The following CRIM1 variants were observed in gnomAD, a reference collection of about 807,000 sequenced individuals.
The protein encoded by CRIM1 is cysteine rich transmembrane BMP regulator 1.
A neutral mutation model predicts 116.4 loss-of-function variants in CRIM1; 32 were observed. The observed-to-expected ratio is 0.27, with a 90% confidence interval of 0.21 to 0.37. The LOEUF is 0.37. Ranked by LOEUF, CRIM1 falls within the 10% of genes least tolerant of loss-of-function variation. CRIM1 has a pLI of 1.00. For missense variants in CRIM1, 1,331 were observed against 1,354.8 expected, an observed-to-expected ratio of 0.98 and a Z score of 0.28; for synonymous variants, 590 against 509.2, an observed-to-expected ratio of 1.16 and a Z score of -2.13.
intron 1 of CRIM1, among the ~76,000 whole-genome samples, chr2:36,383,428 G>T (rs1163067259): frequency 6.6e-6 from 1 of 152,198 alleles, no homozygotes; most frequent in African/African-American, 2.4e-5. Flanking sequence ...GAATGCATAA[G>T]TAGTGAATAA....
At chr2:36,358,546 T>C (rs994959489) in intron 1 of CRIM1, among the ~76,000 whole-genome samples, 1 of 152,234 alleles carries the variant, frequency 6.6e-6, no homozygotes, top group Non-Finnish European at 1.5e-5. Flanking sequence ...TGTCACAGTA[T>C]AGAGTTATTT....
At chr2:36,362,978 G>A (rs954132933) in intron 1 of CRIM1, among the ~76,000 whole-genome samples, 3 of 151,876 alleles carry the variant, frequency 2.0e-5, no homozygotes, top group Non-Finnish European at 4.4e-5. Flanking sequence ...CAGATGGATC[G>A]CCTGAGGTCA....
chr2:36,415,263 A>G (rs1014814554), intron 2 of CRIM1, among the ~76,000 whole-genome samples: 1 of 152,180 alleles, frequency 6.6e-6, no homozygotes, highest in African/African-American at 2.4e-5. Flanking sequence ...TACCTGCTTG[A>G]GAAACTGAGA....
Position 36,513,632 on chromosome 2 carries a change from G to T in CRIM1, c.1857G>T (p.Glu619Asp). ...LTVDGHHHKN[E>D]ESWHDGCREC... ...TGGATGGTCATCATCATAAAAATGA[G>T]GAGAGCTGGCACGATGGGTGCCGGG... The change falls in exon 11 of 17, where the codon GAG becomes GAT. Residue 619 changes from glutamate to aspartate, a missense_variant. Physicochemically the swap from Glu to Asp is conservative, Grantham distance 45 (BLOSUM62 2). Transcript: ENST00000280527. 1.9e-6 allele frequency: 3 copies of T among 1,614,210 alleles called. No homozygotes were observed. The highest frequency in any genetic ancestry group is 2.5e-6 in the Non-Finnish European group (3 of 1,180,026).
chr2:36,513,395 A>T, intron 10 of CRIM1, 161 bp from the exon 11 acceptor site: 1 of 611,896 alleles, frequency 1.6e-6, no homozygotes, highest in South Asian at 2.1e-5. Context: ...GATTGAGAAC[A>T]TACTGACTTA....
intron 5 of CRIM1, among the ~76,000 whole-genome samples, chr2:36,475,020 A>G (rs749485090): frequency 6.6e-6 from 1 of 152,162 alleles, no homozygotes; most frequent in Non-Finnish European, 1.5e-5. Flanking sequence ...ATGTTTTGAA[A>G]TTAGGAAGTA....
intron 14 of CRIM1, among the ~76,000 whole-genome samples, chr2:36,539,599 A>G (rs768903560): frequency 6.6e-6 from 1 of 152,156 alleles, no homozygotes; most frequent in Non-Finnish European, 1.5e-5. Flanking sequence ...AGAGAGACCA[A>G]CTTGGAGACT....
chr2:36,359,213 G>A (rs1296276006), intron 1 of CRIM1, among the ~76,000 whole-genome samples: 1 of 152,104 alleles, frequency 6.6e-6, no homozygotes, highest in African/African-American at 2.4e-5. Context: ...GCACTAAAAT[G>A]ACCCCTACTG....
chr2:36,510,789 C>G (rs991463632), intron 9 of CRIM1, among the ~76,000 whole-genome samples: 18 of 152,092 alleles, frequency 1.2e-4, no homozygotes, highest in Admixed American at 2.6e-4. Context: ...TGTATAAGCA[C>G]CTATATTTGC....
intron 2 of CRIM1, among the ~76,000 whole-genome samples, chr2:36,429,883 T>C (rs1429117922): frequency 2.0e-5 from 3 of 152,190 alleles, no homozygotes; most frequent in African/African-American, 7.2e-5. Flanking sequence ...TACAAGGGTG[T>C]ACCCTGATGG....
At chr2:36,528,326 T>C (rs553069916) in intron 13 of CRIM1, among the ~76,000 whole-genome samples, 40 of 152,316 alleles carry the variant, frequency 2.6e-4, no homozygotes, top group African/African-American at 9.1e-4. Flanking sequence ...CCTGCTCCCA[T>C]CTTAAAAAGC....
chr2:36,450,372 T>A (rs1676614554), intron 4 of CRIM1, among the ~76,000 whole-genome samples: 1 of 152,260 alleles, frequency 6.6e-6, no homozygotes, highest in Admixed American at 6.5e-5. Flanking sequence ...GTGTGTCTTC[T>A]CTGTCTTCAG....
At chr2:36,535,989 C>T (rs1666520170) in intron 13 of CRIM1, among the ~76,000 whole-genome samples, 1 of 152,106 alleles carries the variant, frequency 6.6e-6, no homozygotes. Flanking sequence ...ATTTTGGTAT[C>T]CATGGGGTCC....
intron 13 of CRIM1, among the ~76,000 whole-genome samples, 161 bp from the exon 14 acceptor site, chr2:36,537,191 C>T (rs544458828): frequency 1.3e-5 from 2 of 152,272 alleles, no homozygotes; most frequent in Admixed American, 6.5e-5. Flanking sequence ...TGAGGGTCCT[C>T]CTAAGGAAAT....
intron 4 of CRIM1, among the ~76,000 whole-genome samples, chr2:36,462,548 G>T (rs969487809): frequency 1.3e-5 from 2 of 152,200 alleles, no homozygotes; most frequent in African/African-American, 2.4e-5. Flanking sequence ...CATCTGAAGA[G>T]GTATTTTTTG....
intron 13 of CRIM1, among the ~76,000 whole-genome samples, chr2:36,522,609 C>T (rs1665472325): frequency 6.6e-6 from 1 of 151,946 alleles, no homozygotes; most frequent in Non-Finnish European, 1.5e-5. Flanking sequence ...CAAGACCAGC[C>T]TGGCCAACAT....
At chr2:36,509,303 G>C (rs1381706194) in intron 8 of CRIM1, among the ~76,000 whole-genome samples, 1 of 152,170 alleles carries the variant, frequency 6.6e-6, no homozygotes, top group Non-Finnish European at 1.5e-5. Flanking sequence ...GATCACTTGA[G>C]GTCAGGAGTT....
chr2:36,499,178 C>A (rs561133654), intron 7 of CRIM1, 41 bp from the exon 8 acceptor site: 2 of 1,506,654 alleles, frequency 1.3e-6, no homozygotes, highest in Non-Finnish European at 1.8e-6. Context: ...AAAAGGTAAT[C>A]ATATGTTTCA....
rs1224191109 is a variant in CRIM1 at position 36,506,177 on chromosome 2, TCTCTCA to T, written c.1502-3804_1502-3799del. On this transcript the variant is annotated intron_variant, in intron 8 of 16. Transcript: ENST00000280527. ...CACACACTCTCTCTCTCTCTCTCTC[TCTCTCA>T]CACACACACACACACACACACACAC... Among the ~76,000 whole-genome samples the T allele has an allele frequency of 2.4e-3, 205 of 86,274 alleles. 1 individual carries two copies. Among genetic ancestry groups the T allele is most frequent in the African/African-American group, 6.7e-3 (186 of 27,968 alleles). 56.6% of individuals were successfully genotyped at this position (86,274 alleles called of 152,430 possible). A position where few individuals can be genotyped will look rare whatever the true frequency, so the allele number is the denominator to read the frequency against.
Sources: gnomAD v4.1 joint callset for allele counts (sites outside exome capture counted in the v4.1 genomes callset) on GRCh38, gnomAD v4.1.1 for gene constraint, MANE v1.5 for transcripts, NCBI Gene and HGNC (gene_info 2026-07-23, HGNC 2026-07-21) for gene names.